PHEX: variants seen among roughly 807,000 people sequenced by gnomAD.
PHEX encodes the protein phosphate regulating endopeptidase X-linked, also known as phosphate-regulating neutral endopeptidase PHEX.
PHEX carries 16 observed loss-of-function variants against 68.0 expected under a neutral mutation model. That is an observed-to-expected ratio of 0.24 (90% CI 0.16 to 0.36). The LOEUF (loss-of-function observed/expected upper bound fraction) is 0.36. Among genes scored for constraint, PHEX ranks in the 10% least tolerant of loss-of-function variants. PHEX has a pLI of 1.00. For missense variants in PHEX, 480 were observed against 575.5 expected (o/e 0.83, Z 1.70); for synonymous variants, 208 against 205.1 (o/e 1.01, Z -0.12).
At chrX:22,143,817 T>G (rs1236395170) in intron 12 of PHEX, among the ~76,000 whole-genome samples, 1 of 112,494 alleles carries the variant, frequency 8.9e-6, no homozygotes, top group Non-Finnish European at 1.9e-5. Flanking sequence ...GCATTTCTGA[T>G]AGTGAGATCT....
intron 13 of PHEX, among the ~76,000 whole-genome samples, chrX:22,176,946 C>T (rs1378763519): frequency 9.0e-6 from 1 of 111,120 alleles, no homozygotes; most frequent in Admixed American, 9.7e-5. Flanking sequence ...AATTTAAAGT[C>T]ATAGTGTTAT....
chrX:22,119,895 C>A (rs764972846), intron 11 of PHEX, among the ~76,000 whole-genome samples: 1 of 110,746 alleles, frequency 9.0e-6, no homozygotes, highest in East Asian at 2.8e-4. Flanking sequence ...CCACGCCTGG[C>A]CTTGTTTGAT....
Position 22,182,851 on chromosome X carries a change from A to C in PHEX, c.1586+4475A>C, listed in dbSNP as rs73636817. 6.3e-3 allele frequency among the ~76,000 whole-genome samples: 711 copies of C among 112,135 alleles called. 6 individuals carry two copies. Among genetic ancestry groups the C allele is most frequent in the African/African-American group, 0.022 (690 of 30,898 alleles). On this transcript the variant is annotated intron_variant, in intron 14 of 21. Transcript: ENST00000379374. ...TCACTGAGCTAGGAGGGACAGGAGT[A>C]GTCTCAGGCAAAAAGGCCATAGTGC...
At chrX:22,211,410 C>A (rs920653993) in intron 15 of PHEX, among the ~76,000 whole-genome samples, 10 of 111,824 alleles carry the variant, frequency 8.9e-5, no homozygotes, top group African/African-American at 2.9e-4. Context: ...AAGTCATTAG[C>A]CTGAGTGTTA....
chrX:22,122,247 G>T (rs1022727745), intron 11 of PHEX, among the ~76,000 whole-genome samples: 2 of 110,568 alleles, frequency 1.8e-5, no homozygotes, highest in South Asian at 7.8e-4. Context: ...AAAGACAATG[G>T]TCCCTTCATC....
At chrX:22,136,716 A>G (rs1932247145) in intron 12 of PHEX, among the ~76,000 whole-genome samples, 2 of 111,780 alleles carry the variant, frequency 1.8e-5, no homozygotes, top group Admixed American at 1.9e-4. Flanking sequence ...TTTTGTAGCA[A>G]TGACCTCGTC....
intron 11 of PHEX, among the ~76,000 whole-genome samples, chrX:22,131,040 T>C (rs771876092): frequency 9.1e-6 from 1 of 110,487 alleles, no homozygotes; most frequent in African/African-American, 3.3e-5. Flanking sequence ...TTTGTCAGTA[T>C]TATTTTTTTT....
chrX:22,234,982 C>T (rs1199465274), intron 20 of PHEX, among the ~76,000 whole-genome samples: 1 of 111,940 alleles, frequency 8.9e-6, no homozygotes, highest in Non-Finnish European at 1.9e-5. Context: ...GGAATCTCCT[C>T]CTGTTCTGCA....
At chrX:22,179,573 T>TA (rs1200902246) in intron 14 of PHEX, among the ~76,000 whole-genome samples, 1 of 110,590 alleles carries the variant, frequency 9.0e-6, no homozygotes, top group Non-Finnish European at 1.9e-5. Flanking sequence ...AGTAAGAACA[T>TA]ACAATGTGTG....
chrX:22,209,137 C>T (rs1188415283), intron 15 of PHEX, among the ~76,000 whole-genome samples: 1 of 111,186 alleles, frequency 9.0e-6, no homozygotes, highest in African/African-American at 3.3e-5. Context: ...GTTTTAACAG[C>T]AGATGTGGTG....
intron 14 of PHEX, among the ~76,000 whole-genome samples, chrX:22,179,764 C>T (rs1933827241): frequency 1.8e-5 from 2 of 111,563 alleles, no homozygotes; most frequent in Admixed American, 1.9e-4. Flanking sequence ...TCTATTAATT[C>T]TTCAAATAAA....
intron 5 of PHEX, among the ~76,000 whole-genome samples, chrX:22,078,528 A>G (rs1172043456): frequency 8.9e-6 from 1 of 112,195 alleles, no homozygotes; most frequent in Non-Finnish European, 1.9e-5. Flanking sequence ...TTAATGAAAT[A>G]TTGATATTCA....
At chrX:22,128,121 C>T (rs11094823) in intron 11 of PHEX, among the ~76,000 whole-genome samples, 8,626 of 111,205 alleles carry the variant, frequency 0.078, 310 homozygotes, top group East Asian at 0.21. Flanking sequence ...TGCTGTGGCG[C>T]GATCTTGGCT....
chrX:22,237,502 T>C (rs1242948837), intron 20 of PHEX, among the ~76,000 whole-genome samples: 1 of 111,934 alleles, frequency 8.9e-6, no homozygotes, highest in African/African-American at 3.3e-5. Context: ...TGGACATCCA[T>C]TGAGAACCTT....
chrX:22,112,774 G>A (rs1220991015), intron 10 of PHEX, among the ~76,000 whole-genome samples: 3 of 110,124 alleles, frequency 2.7e-5, no homozygotes, highest in African/African-American at 9.9e-5. Context: ...ATGGTGTCAC[G>A]CACCTGTGGT....
At chrX:22,111,846 G>C (rs1377679847) in intron 10 of PHEX, among the ~76,000 whole-genome samples, 5 of 112,206 alleles carry the variant, frequency 4.5e-5, no homozygotes, top group Admixed American at 2.8e-4. Context: ...CGTCTTATTA[G>C]TGTATTCCCA....
intron 5 of PHEX, among the ~76,000 whole-genome samples, chrX:22,082,717 GTC>G (rs1929446778): frequency 8.9e-6 from 1 of 111,822 alleles, no homozygotes; most frequent in Non-Finnish European, 1.9e-5. Flanking sequence ...GTTTAATTAA[GTC>G]CCGTTTGTCA....
At chrX:22,086,418 G>A (rs937491994) in intron 5 of PHEX, among the ~76,000 whole-genome samples, 7 of 111,909 alleles carry the variant, frequency 6.3e-5, no homozygotes, top group African/African-American at 2.3e-4. Flanking sequence ...AACCCAAGAT[G>A]GTCAGGAAGC....
At position 22,180,494 on chromosome X, in the gene PHEX, G is replaced by T. The variant is rs72620286; in HGVS notation, c.1586+2118G>T. Among the ~76,000 whole-genome samples the T allele has an allele frequency of 0.012, 1,379 of 110,774 alleles. 73 individuals are homozygous for T. The East Asian group carries it at 0.24, about 19-fold the overall frequency. On this transcript the variant is annotated intron_variant, in intron 14 of 21. Transcript: ENST00000379374. ...GCCATTCAAAAATTAAAAAAAAAAT[G>T]TTGTGGGTATGTAGTAGGTGTACGT...
Sources: allele counts gnomAD v4.1 joint callset (sites outside exome capture counted in the v4.1 genomes callset), GRCh38; gene constraint gnomAD v4.1.1; transcripts MANE v1.5; gene names NCBI Gene and HGNC (gene_info 2026-07-23, HGNC 2026-07-21).